Variants in PCDH15 observed in about 807,000 individuals in gnomAD.
PCDH15 encodes protocadherin related 15.
Under a neutral mutation model 178.5 loss-of-function variants are expected in PCDH15, and 129 were observed. The observed-to-expected ratio is 0.72, with a 90% CI of 0.63 to 0.84. The LOEUF (loss-of-function observed/expected upper bound fraction) is 0.84. Ranked by LOEUF, PCDH15 falls within the 40% of genes least tolerant of loss-of-function variation. PCDH15 has a pLI of 0.00. For synonymous variants in PCDH15, 800 were observed against 732.0 expected (o/e 1.09, Z -1.50); for missense variants, 2,230 against 2,099.9 (o/e 1.06, Z -1.21).
intron 2 of PCDH15, among the ~76,000 whole-genome samples, chr10:55,514,003 G>C (rs1589099146): frequency 2.0e-5 from 3 of 151,902 alleles, no homozygotes. Flanking sequence ...GGGCTGGTTG[G>C]CATCTTTTTG....
intron 1 of PCDH15, among the ~76,000 whole-genome samples, chr10:54,760,637 A>C (rs1947758075): frequency 1.3e-5 from 2 of 152,160 alleles, no homozygotes; most frequent in Non-Finnish European, 2.9e-5. Flanking sequence ...GAAGTTACTG[A>C]GTTCAATGAT....
At chr10:54,495,005 C>G (rs1012348262) in intron 3 of PCDH15, among the ~76,000 whole-genome samples, 5 of 152,074 alleles carry the variant, frequency 3.3e-5, no homozygotes, top group East Asian at 3.9e-4. Context: ...TCTCCTCTCC[C>G]CAGCTCTTTT....
intron 2 of PCDH15, among the ~76,000 whole-genome samples, chr10:54,610,796 T>C (rs2092935797): frequency 6.6e-6 from 1 of 151,688 alleles, no homozygotes; most frequent in Admixed American, 6.6e-5. Context: ...AGAGAATGAG[T>C]TAATGGATCA....
chr10:55,414,400 T>A (rs536427741), intron 2 of PCDH15, among the ~76,000 whole-genome samples: 1 of 151,704 alleles, frequency 6.6e-6, no homozygotes, highest in East Asian at 1.9e-4. Context: ...TCAGTTCTAT[T>A]TCTAGTGCCA....
intron 13 of PCDH15, among the ~76,000 whole-genome samples, chr10:54,158,240 A>G (rs2045353911): frequency 6.6e-6 from 1 of 152,226 alleles, no homozygotes; most frequent in African/African-American, 2.4e-5. Flanking sequence ...GGCAATTTAC[A>G]AAAGAAAACA....
chr10:55,571,575 T>A (rs1200310593), intron 2 of PCDH15, among the ~76,000 whole-genome samples: 2 of 152,102 alleles, frequency 1.3e-5, no homozygotes, highest in African/African-American at 4.8e-5. Context: ...GAACCACAGA[T>A]AAGGTGGCAA....
chr10:54,564,865 A>G (rs942606230), intron 2 of PCDH15, among the ~76,000 whole-genome samples: 1 of 152,202 alleles, frequency 6.6e-6, no homozygotes, highest in Non-Finnish European at 1.5e-5. Context: ...GTTTATTTCT[A>G]TATTATTTTA....
At chr10:53,970,431 G>T (rs1381528318) in intron 21 of PCDH15, among the ~76,000 whole-genome samples, 1 of 151,260 alleles carries the variant, frequency 6.6e-6, no homozygotes, top group African/African-American at 2.4e-5. Context: ...ACACCTTCAG[G>T]TCTTCAGAGC....
At chr10:54,421,809 A>AGTGT (rs1402685468) in intron 3 of PCDH15, among the ~76,000 whole-genome samples, 3 of 71,944 alleles carry the variant, frequency 4.2e-5, no homozygotes, top group African/African-American at 2.0e-4. Flanking sequence ...GTACATGTGT[A>AGTGT]GTGTGTGTAT....
At chr10:55,002,179 G>C (rs759104434) in intron 2 of PCDH15, among the ~76,000 whole-genome samples, 2 of 151,952 alleles carry the variant, frequency 1.3e-5, no homozygotes, top group Non-Finnish European at 2.9e-5. Flanking sequence ...TTCTTCCTTT[G>C]TCCTTGTTTC....
intron 26 of PCDH15, among the ~76,000 whole-genome samples, chr10:53,877,658 C>A (rs1306285984): frequency 6.6e-6 from 1 of 152,126 alleles, no homozygotes; most frequent in Non-Finnish European, 1.5e-5. Flanking sequence ...CCTCTTCTGA[C>A]TATCATATGT....
At chr10:55,588,183 G>A (rs1842765672) in intron 2 of PCDH15, among the ~76,000 whole-genome samples, 1 of 152,116 alleles carries the variant, frequency 6.6e-6, no homozygotes, top group African/African-American at 2.4e-5. Flanking sequence ...ATGCAAACCT[G>A]GGGCTACCTT....
chr10:54,019,302 C>T (rs2092838069), intron 20 of PCDH15, among the ~76,000 whole-genome samples: 1 of 151,994 alleles, frequency 6.6e-6, no homozygotes, highest in South Asian at 2.1e-4. Context: ...TAGTAATATA[C>T]TCATTTAGTA....
At chr10:55,390,792 A>G (rs897875226) in intron 2 of PCDH15, among the ~76,000 whole-genome samples, 30 of 152,226 alleles carry the variant, frequency 2.0e-4, no homozygotes, top group African/African-American at 6.5e-4. Context: ...GACCAGGTGC[A>G]TTGTCAATGA....
At chr10:55,156,973 G>C (rs1838907286) in intron 2 of PCDH15, among the ~76,000 whole-genome samples, 1 of 151,808 alleles carries the variant, frequency 6.6e-6, no homozygotes, top group African/African-American at 2.4e-5. Context: ...AAACTCTTGG[G>C]TCAGCCCTTG....
intron 23 of PCDH15, among the ~76,000 whole-genome samples, chr10:53,954,410 A>C (rs2087403747): frequency 6.6e-6 from 1 of 152,236 alleles, no homozygotes; most frequent in South Asian, 2.1e-4. Context: ...AATTCTAAAA[A>C]AAGAACAATG....
intron 3 of PCDH15, among the ~76,000 whole-genome samples, chr10:54,380,414 A>G (rs1949033732): frequency 6.6e-6 from 1 of 151,570 alleles, no homozygotes; most frequent in African/African-American, 2.4e-5. Flanking sequence ...AAGAATGTAT[A>G]TATATTCAAG....
At chr10:53,967,767 T>C (rs568959077) in intron 21 of PCDH15, among the ~76,000 whole-genome samples, 1 of 152,340 alleles carries the variant, frequency 6.6e-6, no homozygotes, top group African/African-American at 2.4e-5. Context: ...TTCTACTTCA[T>C]TCATGATAAT....
At chr10:53,960,601 T>C (rs1485350374) in intron 22 of PCDH15, among the ~76,000 whole-genome samples, 1 of 152,184 alleles carries the variant, frequency 6.6e-6, no homozygotes, top group Non-Finnish European at 1.5e-5. Context: ...GTTAAATACT[T>C]TCAGAACTAT....
Sources: gnomAD v4.1 joint callset for allele counts (sites outside exome capture counted in the v4.1 genomes callset) on GRCh38, gnomAD v4.1.1 for gene constraint, MANE v1.5 for transcripts, NCBI Gene and HGNC (gene_info 2026-07-23, HGNC 2026-07-21) for gene names.